Variants in RSU1 observed in about 807,000 individuals in gnomAD.
The protein encoded by RSU1 is Ras suppressor protein 1, also known as rsu-1.
RSU1 carries 26 observed loss-of-function variants against 31.1 expected under a neutral mutation model. The observed-to-expected ratio is 0.84, with a 90% CI of 0.61 to 1.16. The LOEUF (loss-of-function observed/expected upper bound fraction) is 1.16, where lower values mean the gene tolerates loss of function less well. Among genes scored for constraint, RSU1 ranks in the 50% most tolerant of loss-of-function variants. The pLI is 0.00. For synonymous variants in RSU1, 164 were observed against 136.3 expected, an observed-to-expected ratio of 1.20 and a Z score of -1.41; for missense variants, 320 against 339.1, an observed-to-expected ratio of 0.94 and a Z score of 0.44.
rs1054374554 is a variant in RSU1, at chr10:16,593,268, G to C, written c.*126C>G. On this transcript the variant is annotated 3_prime_UTR_variant, in exon 9 of 9. Coordinates refer to ENST00000345264, the MANE Select transcript of RSU1 (RefSeq NM_012425.4). ...AAGGTAAGGTGGGAAGCATTAGAAA[G>C]AGAGTGAAAAGAAAAATAAAAAAGG... is the stretch of plus-strand genomic sequence containing the variant. 6.8e-7 allele frequency: 1 copy of C among 1,479,938 alleles called. No individual in the cohort carries two copies. The highest frequency in any genetic ancestry group is 1.4e-5 in the African/African-American group (1 of 71,124). 91.7% of individuals were successfully genotyped at this position (1,479,938 alleles called of 1,614,324 possible).
At chr10:16,616,295 A>G (rs1166522627) in intron 8 of RSU1, among the ~76,000 whole-genome samples, 1 of 151,314 alleles carries the variant, frequency 6.6e-6, no homozygotes, top group Non-Finnish European at 1.5e-5. Context: ...CCAAGACTAA[A>G]GCAGGAAGAA....
chr10:16,622,573 C>T (rs546512287), intron 8 of RSU1, among the ~76,000 whole-genome samples: 13 of 152,166 alleles, frequency 8.5e-5, no homozygotes, highest in African/African-American at 3.1e-4. Flanking sequence ...ACAGGTGCAA[C>T]CTGAACTAAA....
intron 3 of RSU1, among the ~76,000 whole-genome samples, chr10:16,781,686 T>C (rs1188436555): frequency 6.6e-6 from 1 of 152,168 alleles, no homozygotes; most frequent in Non-Finnish European, 1.5e-5. Context: ...TTTATAAACA[T>C]GATAAGAAAG....
intron 7 of RSU1, among the ~76,000 whole-genome samples, chr10:16,747,349 C>T (rs188035443): frequency 2.6e-4 from 39 of 152,258 alleles, no homozygotes; most frequent in Non-Finnish European, 5.3e-4. Flanking sequence ...TATACCCTAT[C>T]GCCTTCTCAA....
intron 7 of RSU1, among the ~76,000 whole-genome samples, chr10:16,732,430 A>G (rs568970793): frequency 1.3e-5 from 2 of 152,322 alleles, no homozygotes; most frequent in African/African-American, 2.4e-5. Context: ...TAGTGCTCTT[A>G]TAAGAACAGA....
At chr10:16,598,238 A>G (rs1198896535) in intron 8 of RSU1, among the ~76,000 whole-genome samples, 1 of 152,186 alleles carries the variant, frequency 6.6e-6, no homozygotes, top group African/African-American at 2.4e-5. Flanking sequence ...AAGGGTCCTT[A>G]TAAGAAAGCA....
intron 7 of RSU1, among the ~76,000 whole-genome samples, chr10:16,748,924 C>T (rs1295255975): frequency 6.7e-6 from 1 of 150,162 alleles, no homozygotes; most frequent in Non-Finnish European, 1.5e-5. Flanking sequence ...CTCTCTCTTT[C>T]TTCTGTCTTC....
chr10:16,616,371 C>CAAAAAAAAAA (rs529296931), intron 8 of RSU1, among the ~76,000 whole-genome samples: 1 of 90,948 alleles, frequency 1.1e-5, no homozygotes, highest in African/African-American at 3.1e-5. Flanking sequence ...GCCTACCAAC[C>CAAAAAAAAAA]AAAAAAAAAA....
At chr10:16,745,841 C>A (rs1224351615) in intron 7 of RSU1, among the ~76,000 whole-genome samples, 1 of 152,170 alleles carries the variant, frequency 6.6e-6, no homozygotes, top group Non-Finnish European at 1.5e-5. Context: ...CTACTGTTTA[C>A]ATTTAAAAAA....
At chr10:16,633,836 G>C (rs1011891700) in intron 8 of RSU1, among the ~76,000 whole-genome samples, 1 of 152,126 alleles carries the variant, frequency 6.6e-6, no homozygotes, top group African/African-American at 2.4e-5. Context: ...TGCCCTGGGT[G>C]GGTCAGGATC....
At chr10:16,675,087 C>T (rs1415934845) in intron 8 of RSU1, among the ~76,000 whole-genome samples, 1 of 150,708 alleles carries the variant, frequency 6.6e-6, no homozygotes, top group Non-Finnish European at 1.5e-5. Flanking sequence ...CATACTGTAA[C>T]CCCAGCTGTT....
rs1837048756 is a variant in RSU1, at chr10:16,754,759, A to T, written c.400+112T>A. 4.7e-5 allele frequency: 33 copies of T among 699,428 alleles called. 1 individual carries two copies. In the South Asian group the frequency reaches 5.7e-4, roughly 12 times the overall value. The allele number at this position is 699,428 out of a possible 1,614,324, so 43.3% of individuals were successfully genotyped here. Reference sequence around the variant, plus strand: ...ATTCAAAAGGAGTCTCTAAAGAAAAAATTATCTCTGTCCAATAATTTCTCT... The same window carrying T: ...ATTCAAAAGGAGTCTCTAAAGAAAATATTATCTCTGTCCAATAATTTCTCT... On this transcript the variant is annotated intron_variant, in intron 5 of 8. Transcript: ENST00000345264.
At chr10:16,637,398 C>G (rs569682278) in intron 8 of RSU1, among the ~76,000 whole-genome samples, 2 of 152,208 alleles carry the variant, frequency 1.3e-5, no homozygotes, top group African/African-American at 2.4e-5. Flanking sequence ...TTTGCTCCCC[C>G]ATCCTGACTC....
intron 8 of RSU1, among the ~76,000 whole-genome samples, chr10:16,594,974 G>T (rs926465086): frequency 6.6e-6 from 1 of 151,860 alleles, no homozygotes; most frequent in Non-Finnish European, 1.5e-5. Context: ...AGTAGCAATG[G>T]GGTTTCACCA....
intron 2 of RSU1, among the ~76,000 whole-genome samples, chr10:16,789,810 G>A (rs904927672): frequency 6.6e-6 from 1 of 152,198 alleles, no homozygotes; most frequent in Non-Finnish European, 1.5e-5. Context: ...AGAACAAACT[G>A]TTATTAAAAT....
intron 2 of RSU1, among the ~76,000 whole-genome samples, chr10:16,783,653 C>T (rs938003085): frequency 3.1e-5 from 4 of 130,350 alleles, no homozygotes; most frequent in African/African-American, 1.1e-4. Context: ...CGAGTCCGGC[C>T]GCATGTTTTT....
At chr10:16,783,733 A>T (rs1218883225) in intron 2 of RSU1, among the ~76,000 whole-genome samples, 15 of 152,024 alleles carry the variant, frequency 9.9e-5, no homozygotes, top group Admixed American at 9.8e-4. Flanking sequence ...GCAATACAAA[A>T]ACCTGTTTTC....
intron 8 of RSU1, among the ~76,000 whole-genome samples, chr10:16,646,725 G>A (rs1161699493): frequency 6.6e-6 from 1 of 152,200 alleles, no homozygotes; most frequent in East Asian, 1.9e-4. Context: ...GCAAGCATTA[G>A]CTTGCAAGGC....
At chr10:16,717,313 A>G (rs10795422) in intron 7 of RSU1, among the ~76,000 whole-genome samples, 116,676 of 152,122 alleles carry the variant, frequency 0.77, 45,643 homozygotes, top group African/African-American at 0.92. Context: ...TAAGAAGTAT[A>G]AGTGACATAA....
Sources: allele counts gnomAD v4.1 joint callset (sites outside exome capture counted in the v4.1 genomes callset), GRCh38; gene constraint gnomAD v4.1.1; transcripts MANE v1.5; gene names NCBI Gene and HGNC (gene_info 2026-07-23, HGNC 2026-07-21).